The following TENM3 variants were observed in gnomAD, a reference collection of about 807,000 sequenced individuals.
TENM3 encodes teneurin transmembrane protein 3.
TENM3 carries 63 observed loss-of-function variants against 255.1 expected under a neutral mutation model. That is an observed-to-expected ratio of 0.25 (90% CI 0.20 to 0.30). TENM3 has a LOEUF of 0.30. Ranked by LOEUF, TENM3 falls within the 10% of genes least tolerant of loss-of-function variation. The pLI, the probability that TENM3 is intolerant of heterozygous loss-of-function variation, is 1.00. For missense variants in TENM3, 2,929 were observed against 3,461.1 expected, an observed-to-expected ratio of 0.85 and a Z score of 3.86; for synonymous variants, 1,306 against 1,322.3, an observed-to-expected ratio of 0.99 and a Z score of 0.27.
intron 3 of TENM3, among the ~76,000 whole-genome samples, chr4:182,492,032 G>C (rs988737167): frequency 6.6e-6 from 1 of 152,192 alleles, no homozygotes; most frequent in Non-Finnish European, 1.5e-5. Context: ...GGTGTGCTGA[G>C]CTGAAGGAAG....
chr4:182,647,753 G>C (rs1238819854), intron 5 of TENM3, among the ~76,000 whole-genome samples: 1 of 152,148 alleles, frequency 6.6e-6, no homozygotes, highest in Non-Finnish European at 1.5e-5. Flanking sequence ...AAGTGGGATT[G>C]CTGGATCATA....
the TENM3 span, among the ~76,000 whole-genome samples, chr4:181,833,407 A>G: frequency 6.6e-6 from 1 of 152,170 alleles, no homozygotes; most frequent in Admixed American, 6.5e-5. Context: ...CTCTGCCTCC[A>G]ACCTCTCCAT....
intron 2 of TENM3, among the ~76,000 whole-genome samples, chr4:182,346,066 T>C (rs935903039): frequency 1.4e-5 from 2 of 140,434 alleles, no homozygotes; most frequent in African/African-American, 5.3e-5. Flanking sequence ...CACACACACA[T>C]ATATACATAC....
chr4:182,575,558 C>T (rs1028340935), intron 3 of TENM3, among the ~76,000 whole-genome samples: 1 of 152,000 alleles, frequency 6.6e-6, no homozygotes, highest in Admixed American at 6.5e-5. Context: ...CTGCTGCTCC[C>T]TTGAAGGAAA....
intron 1 of TENM3, among the ~76,000 whole-genome samples, chr4:182,213,959 G>T (rs1037176284): frequency 6.6e-6 from 1 of 151,840 alleles, no homozygotes; most frequent in African/African-American, 2.4e-5. Context: ...CCGCCACCAC[G>T]CCTGGCTAAT....
intron 2 of TENM3, among the ~76,000 whole-genome samples, chr4:182,325,562 G>T (rs1420293670): frequency 6.6e-6 from 1 of 152,148 alleles, no homozygotes; most frequent in Admixed American, 6.5e-5. Flanking sequence ...ACTGTACAAT[G>T]TATTGTAATT....
chr4:181,873,751 TGTG>T, the TENM3 span, among the ~76,000 whole-genome samples: 2 of 151,808 alleles, frequency 1.3e-5, no homozygotes, highest in Non-Finnish European at 2.9e-5. Flanking sequence ...GGTGTGTGTG[TGTG>T]TGTGTGTGTG....
chr4:182,202,681 C>A (rs972603273), intron 1 of TENM3, among the ~76,000 whole-genome samples: 2 of 152,124 alleles, frequency 1.3e-5, no homozygotes, highest in Non-Finnish European at 2.9e-5. Context: ...GAGTGAGGCA[C>A]AGGGGATCTT....
intron 5 of TENM3, among the ~76,000 whole-genome samples, chr4:182,632,340 CCA>C (rs1289941426): frequency 1.3e-5 from 2 of 152,150 alleles, no homozygotes; most frequent in Non-Finnish European, 2.9e-5. Context: ...GTTTGCTGTA[CCA>C]CAGAGTAGGC....
rs1394343549 is a variant in TENM3 at position 182,250,706 on chromosome 4, G to C, written c.-76+7230G>C. Among the ~76,000 whole-genome samples, 6 of 152,216 alleles carry C rather than the reference G, an allele frequency of 3.9e-5. No homozygotes were observed. The East Asian group carries it at 1.2e-3, about 29-fold the overall frequency. On this transcript the variant is annotated intron_variant, in intron 1 of 27. Transcript: ENST00000511685. The stretch of plus-strand genomic sequence containing the variant: ...ACTATCTATAACCTCCAGGAAATTA[G>C]TCATTCTGGCTAACCGCATTTTTCC...
chr4:182,793,811 C>A lies in TENM3; in HGVS notation c.7139C>A (p.Ala2380Asp). 6.2e-7 allele frequency: 1 copy of A among 1,613,826 alleles called. No individual in the cohort carries two copies. The highest frequency in any genetic ancestry group is 8.5e-7 in the Non-Finnish European group (1 of 1,179,764). Residue 2380 changes from alanine (A) to aspartate (D), a missense_variant, in exon 26 of 28, where the codon GCT (alanine) becomes GAT (aspartate). This residue lies in a region of TENM3 where 476 missense variants were observed against 480.1 expected (regional missense o/e 0.99). Coordinates refer to ENST00000511685, the MANE Select transcript of TENM3 (RefSeq NM_001080477.4). The surrounding 1 kb of genome is among the most constrained non-coding windows in gnomAD (Gnocchi z 5.7). ...TGGAAAAGAATTGGGAAGGACCCAG[C>A]TCCTTTTAACTTGTACATGTTTAGG... ...EIWKRIGKDPAPFNLYMFRNN... is the reference protein window; with the variant it reads ...EIWKRIGKDPDPFNLYMFRNN...
At chr4:181,594,211 T>G in the TENM3 span, among the ~76,000 whole-genome samples, 956 of 152,320 alleles carry the variant, frequency 6.3e-3, 8 homozygotes, top group African/African-American at 0.021. Context: ...ATGAATAAGG[T>G]GAAGTGTGAA....
At chr4:182,326,834 C>T (rs1427407141) in intron 2 of TENM3, among the ~76,000 whole-genome samples, 2 of 152,184 alleles carry the variant, frequency 1.3e-5, no homozygotes, top group Non-Finnish European at 2.9e-5. Flanking sequence ...TGAGCCACCA[C>T]GCCCAGCCCA....
At chr4:182,288,435 GT>G (rs1760894033) in intron 1 of TENM3, among the ~76,000 whole-genome samples, 1 of 152,062 alleles carries the variant, frequency 6.6e-6, no homozygotes, top group Non-Finnish European at 1.5e-5. Flanking sequence ...TTATCAACAT[GT>G]TTACTAGTTT....
the TENM3 span, among the ~76,000 whole-genome samples, chr4:182,122,527 A>G: frequency 1.3e-5 from 2 of 152,200 alleles, no homozygotes; most frequent in African/African-American, 4.8e-5. Context: ...GTATGTTATC[A>G]GTGAACAGTC....
At chr4:182,080,911 A>C in the TENM3 span, among the ~76,000 whole-genome samples, 1 of 152,184 alleles carries the variant, frequency 6.6e-6, no homozygotes, top group South Asian at 2.1e-4. Context: ...GGATTGCTTG[A>C]GTCCCGGGTG....
chr4:182,522,664 A>T (rs542653658), intron 3 of TENM3, among the ~76,000 whole-genome samples: 30 of 152,250 alleles, frequency 2.0e-4, no homozygotes, highest in Non-Finnish European at 3.8e-4. Flanking sequence ...ACGTAGGTAG[A>T]CATCTGCCGT....
rs1426526288 is a variant in TENM3, at chr4:182,784,875, C to T, written c.5305-4218C>T. 3.9e-5 allele frequency among the ~76,000 whole-genome samples: 6 copies of T among 152,128 alleles called. No homozygotes were observed. The East Asian group carries it at 5.8e-4, about 15-fold the overall frequency. On this transcript the variant is annotated intron_variant, in intron 24 of 27. Coordinates refer to ENST00000511685, the MANE Select transcript of TENM3 (RefSeq NM_001080477.4). ...GGAAAGGGAACTCCCTGACCCCTTG[C>T]ACTTCCCAAGTGAGGCAATGCCTCG...
chr4:182,584,481 G>T (rs1745806709), intron 3 of TENM3, among the ~76,000 whole-genome samples: 1 of 152,110 alleles, frequency 6.6e-6, no homozygotes. Context: ...AGTACACAGA[G>T]TTGAAGCAAA....
Sources: gnomAD v4.1 joint callset for allele counts (sites outside exome capture counted in the v4.1 genomes callset) on GRCh38, gnomAD v4.1.1 for gene constraint, gnomAD v4.1.1 regional missense constraint, Gnocchi (gnomAD v3.1) non-coding constraint, MANE v1.5 for transcripts, NCBI Gene and HGNC (gene_info 2026-07-23, HGNC 2026-07-21) for gene names.